SHROOM2: variants seen among roughly 807,000 people sequenced by gnomAD.
The protein encoded by SHROOM2 is shroom family member 2, also known as protein Shroom2.
SHROOM2 carries 33 observed loss-of-function variants against 75.9 expected under a neutral mutation model. The observed-to-expected ratio is 0.43, with a 90% CI of 0.33 to 0.58. The LOEUF (loss-of-function observed/expected upper bound fraction) is 0.58. Ranked by LOEUF, SHROOM2 falls within the 20% of genes least tolerant of loss-of-function variation. The pLI is 0.04. For missense variants in SHROOM2, 1,434 were observed against 1,461.2 expected (o/e 0.98, Z 0.30); for synonymous variants, 655 against 663.6 (o/e 0.99, Z 0.20).
At chrX:9,908,578 G>A (rs2084403826) in intron 5 of SHROOM2, among the ~76,000 whole-genome samples, 1 of 111,525 alleles carries the variant, frequency 9.0e-6, no homozygotes, top group African/African-American at 3.3e-5. Flanking sequence ...TAAGAAACAT[G>A]GGTATCTGGA....
At chrX:9,790,258 T>C (rs2083640432) in intron 1 of SHROOM2, among the ~76,000 whole-genome samples, 1 of 111,753 alleles carries the variant, frequency 8.9e-6, no homozygotes, top group African/African-American at 3.3e-5. Flanking sequence ...GGCTCTGCAT[T>C]ATGGGCCATG....
At chrX:9,819,200 A>T in intron 1 of SHROOM2, 1 of 1,065,984 alleles carries the variant, frequency 9.4e-7, no homozygotes, top group Non-Finnish European at 1.3e-6. Flanking sequence ...CAGGATTCTC[A>T]CATTCAGGAC....
intron 1 of SHROOM2, among the ~76,000 whole-genome samples, chrX:9,827,221 T>C (rs1264108256): frequency 1.4e-5 from 1 of 70,068 alleles, no homozygotes; most frequent in Non-Finnish European, 2.6e-5. Context: ...ATTTTTCTTT[T>C]TCTTTTTTTT....
rs191778084 is a variant in SHROOM2 at position 9,917,850 on chromosome X, T to C, written c.2892-14325T>C. On this transcript the variant is annotated intron_variant, in intron 5 of 9. Transcript: ENST00000380913. ...TATTGTTATTACAGTCACTGTTTTATGGAAAAACTTAGTGACCTCATATCG... is the reference window on the plus strand; with the variant it reads ...TATTGTTATTACAGTCACTGTTTTACGGAAAAACTTAGTGACCTCATATCG... Among the ~76,000 whole-genome samples the C allele has an allele frequency of 3.6e-5, 4 of 112,199 alleles. No homozygotes were observed. In the Admixed American group the frequency reaches 3.8e-4, roughly 11 times the overall value.
chrX:9,801,953 C>G (rs2083725836), intron 1 of SHROOM2, among the ~76,000 whole-genome samples: 1 of 111,120 alleles, frequency 9.0e-6, no homozygotes, highest in Non-Finnish European at 1.9e-5. Context: ...AAGAAACACC[C>G]TGTCTCAAAA....
intron 1 of SHROOM2, among the ~76,000 whole-genome samples, chrX:9,844,891 A>G (rs981188359): frequency 2.7e-5 from 3 of 111,858 alleles, no homozygotes; most frequent in African/African-American, 6.5e-5. Flanking sequence ...TTCTTGGCGA[A>G]TTGGTGTGCT....
chrX:9,819,668 C>T (rs1473470935), intron 1 of SHROOM2, among the ~76,000 whole-genome samples: 6 of 111,650 alleles, frequency 5.4e-5, no homozygotes, highest in Admixed American at 2.9e-4. Context: ...CTAATGGCTG[C>T]GCAAAAGCTC....
chrX:9,806,042 A>G (rs59108564), intron 1 of SHROOM2, among the ~76,000 whole-genome samples: 5,872 of 110,867 alleles, frequency 0.053, 368 homozygotes, highest in African/African-American at 0.18. Flanking sequence ...GGCGCCTCCT[A>G]CAAACCAGGA....
chrX:9,895,509 G>A lies in SHROOM2; in HGVS notation c.1601G>A (p.Arg534Gln), dbSNP rs61744807. 1,672 of 1,201,424 alleles carry A rather than the reference G, an allele frequency of 1.4e-3. 15 individuals carry two copies. In the African/African-American group the frequency reaches 0.023, roughly 17 times the overall value. The change falls in exon 4 of 10, where the codon CGG becomes CAG. Residue 534 changes from arginine (R) to glutamine (Q), a missense_variant. This residue lies in a region of SHROOM2 where 1,340 missense variants were observed against 1,338.3 expected (regional missense o/e 1.00). Coordinates refer to ENST00000380913, the MANE Select transcript of SHROOM2 (RefSeq NM_001649.4). ...CCTCCGGATGCCCGCGAGACAGGAC[G>A]GTGTTACCCGCTGGACAAAGGGGCC... ...EGPPDARETG[R>Q]CYPLDKGAEG...
intron 2 of SHROOM2, among the ~76,000 whole-genome samples, chrX:9,881,122 G>T (rs976303215): frequency 9.0e-6 from 1 of 111,165 alleles, no homozygotes; most frequent in African/African-American, 3.3e-5. Context: ...TAGTTCCGAC[G>T]TCCAGACCAT....
At chrX:9,898,554 A>G (rs966417007) in intron 5 of SHROOM2, among the ~76,000 whole-genome samples, 3 of 112,242 alleles carry the variant, frequency 2.7e-5, no homozygotes, top group African/African-American at 6.5e-5. Flanking sequence ...TAAAATGGCT[A>G]CTGTGTTTTC....
At chrX:9,838,061 T>A (rs1435270031) in intron 1 of SHROOM2, among the ~76,000 whole-genome samples, 3 of 96,150 alleles carry the variant, frequency 3.1e-5, no homozygotes, top group Non-Finnish European at 4.2e-5. Context: ...TGTGTGGTTT[T>A]TTTTTTTTTT....
chrX:9,816,249 A>G (rs1017207691), intron 1 of SHROOM2, among the ~76,000 whole-genome samples: 9 of 112,203 alleles, frequency 8.0e-5, no homozygotes, highest in Admixed American at 5.7e-4. Flanking sequence ...CAAGTTTTCA[A>G]TTCTCCTGAG....
chrX:9,886,722 T>C (rs1048404229), intron 2 of SHROOM2, among the ~76,000 whole-genome samples: 1 of 111,137 alleles, frequency 9.0e-6, no homozygotes, highest in Non-Finnish European at 1.9e-5. Flanking sequence ...CTGTCTAATG[T>C]CACGTAGCAT....
chrX:9,913,564 C>T (rs903689230), intron 5 of SHROOM2, among the ~76,000 whole-genome samples: 8 of 112,200 alleles, frequency 7.1e-5, no homozygotes, highest in East Asian at 2.8e-4. Context: ...TGCAGAGGGT[C>T]GATGGCATTT....
intron 2 of SHROOM2, among the ~76,000 whole-genome samples, chrX:9,886,858 A>C (rs548034071): frequency 6.2e-5 from 7 of 112,646 alleles, no homozygotes; most frequent in Middle Eastern, 4.6e-3. Flanking sequence ...GGAACAGTAT[A>C]CGTTTTGACT....
chrX:9,832,276 A>T (rs1376109825), intron 1 of SHROOM2, among the ~76,000 whole-genome samples: 1 of 110,951 alleles, frequency 9.0e-6, no homozygotes, highest in African/African-American at 3.3e-5. Context: ...CATCCTCAGG[A>T]CTTGGTTCTG....
rs1426203259 is a variant in SHROOM2, at chrX:9,948,534, G to A, written c.*1597G>A. 1.8e-5 allele frequency: 2 copies of A among 113,020 alleles called. No individual in the cohort carries two copies. Among genetic ancestry groups the A allele is most frequent in the Non-Finnish European group, 3.7e-5 (2 of 53,380 alleles). 9.3% of individuals were successfully genotyped at this position (113,020 alleles called of 1,213,427 possible). A position where few individuals can be genotyped will look rare whatever the true frequency, so the allele number is the denominator to read the frequency against. On this transcript the variant is annotated 3_prime_UTR_variant, in exon 10 of 10. Coordinates refer to ENST00000380913, the MANE Select transcript of SHROOM2 (RefSeq NM_001649.4). ...CTTACCAAAGCAGACGCGTGCGCGT[G>A]CACAGATGCACACACACAGATGTCT...
rs185321295 is a variant in SHROOM2, at chrX:9,837,433, C to G, written c.166-36219C>G. ...CTCCAGCTTCCTTCAACTGACAGTT[C>G]AAGGGATAGAGGCTTCTAGAAGCAT... On this transcript the variant is annotated intron_variant, in intron 1 of 9. Coordinates refer to ENST00000380913, the MANE Select transcript of SHROOM2 (RefSeq NM_001649.4). 3.3e-4 allele frequency among the ~76,000 whole-genome samples: 37 copies of G among 112,694 alleles called. No homozygotes were observed. The East Asian group carries it at 9.2e-3, about 28-fold the overall frequency.
Sources: allele counts gnomAD v4.1 joint callset (sites outside exome capture counted in the v4.1 genomes callset), GRCh38; gene constraint gnomAD v4.1.1; regional missense constraint gnomAD v4.1.1; transcripts MANE v1.5; gene names NCBI Gene and HGNC (gene_info 2026-07-23, HGNC 2026-07-21).